DLG1: variants seen among roughly 807,000 people sequenced by gnomAD.
The protein encoded by DLG1 is discs large MAGUK scaffold protein 1.
In DLG1, 42 loss-of-function variants were observed where a neutral mutation model predicts 123.4. The ratio of observed to expected loss-of-function variants is 0.34; its 90% CI spans 0.27 to 0.44. DLG1 has a LOEUF of 0.44. Ranked by LOEUF, DLG1 falls within the 20% of genes least tolerant of loss-of-function variation. DLG1 has a pLI of 1.00. For synonymous variants in DLG1, 317 were observed against 356.2 expected, an observed-to-expected ratio of 0.89 and a Z score of 1.24; for missense variants, 942 against 1,082.6, an observed-to-expected ratio of 0.87 and a Z score of 1.82.
intron 5 of DLG1, among the ~76,000 whole-genome samples, chr3:197,163,959 A>C (rs1411036098): frequency 1.3e-5 from 2 of 152,268 alleles, no homozygotes; most frequent in East Asian, 3.9e-4. Flanking sequence ...TAAGTTATAC[A>C]TATTTTACCA....
intron 14 of DLG1, among the ~76,000 whole-genome samples, chr3:197,102,128 GAATT>G (rs1353071682): frequency 2.0e-5 from 3 of 152,092 alleles, no homozygotes; most frequent in African/African-American, 7.2e-5. Flanking sequence ...CTTGCCTTTG[GAATT>G]AATAAAACTG....
chr3:197,085,436 C>A (rs1046239796), intron 16 of DLG1, 144 bp downstream of exon 16: 2 of 774,092 alleles, frequency 2.6e-6, no homozygotes, highest in East Asian at 5.1e-5. Context: ...TGTGATCATA[C>A]GATTTTTGTC....
chr3:197,072,416 GCA>G (rs1744519191), intron 18 of DLG1, among the ~76,000 whole-genome samples: 1 of 152,056 alleles, frequency 6.6e-6, no homozygotes, highest in African/African-American at 2.4e-5. Context: ...GCATTTAGCA[GCA>G]CTCTCTCCGT....
chr3:197,053,774 TA>T (rs35792548), intron 23 of DLG1, among the ~76,000 whole-genome samples: 7,301 of 97,224 alleles, frequency 0.075, 335 homozygotes, highest in African/African-American at 0.15. Context: ...CCCTGTCTCA[TA>T]AAAAAAAAAA....
chr3:197,268,281 A>G lies in DLG1; in HGVS notation c.318+14398T>C, dbSNP rs117188636. 1.3e-3 allele frequency among the ~76,000 whole-genome samples: 199 copies of G among 152,362 alleles called. 3 individuals carry two copies. In the East Asian group the frequency reaches 0.031, roughly 24 times the overall value. ...AATTGGGGGTGTCTTCTAGGAACAC[A>G]TAAGTCTAACCAATGTGACATACTT... On this transcript the variant is annotated intron_variant, in intron 4 of 24. Transcript: ENST00000667157.
chr3:197,156,638 G>T (rs986094113), intron 5 of DLG1, among the ~76,000 whole-genome samples: 1 of 152,030 alleles, frequency 6.6e-6, no homozygotes, highest in African/African-American at 2.4e-5. Flanking sequence ...AGTAACCAAA[G>T]GAGAGCAGGA....
In DLG1 at chr3:197,162,993, C is replaced by G. The variant is rs537582714; in HGVS notation, c.484-13197G>C. Among the ~76,000 whole-genome samples, 7 of 152,292 alleles carry G rather than the reference C, an allele frequency of 4.6e-5. No individual in the cohort carries two copies. In the East Asian group the frequency reaches 1.2e-3, roughly 25 times the overall value. ...TATCCAGAACATTTAAAGACTCTTA[C>G]AACGCAACAACACAAAGAGAAACAA... On this transcript the variant is annotated intron_variant, in intron 5 of 24. Coordinates refer to ENST00000667157, the MANE Select transcript of DLG1 (RefSeq NM_001366207.1).
chr3:197,145,055 T>TCACACA (rs34377415), intron 6 of DLG1, among the ~76,000 whole-genome samples: 2,685 of 148,696 alleles, frequency 0.018, 35 homozygotes, highest in African/African-American at 0.032. Context: ...TCTCTCTCTC[T>TCACACA]CACACACACA....
intron 12 of DLG1, among the ~76,000 whole-genome samples, chr3:197,117,028 A>G (rs1049593979): frequency 3.3e-5 from 5 of 152,220 alleles, no homozygotes; most frequent in Admixed American, 2.0e-4. Flanking sequence ...CTGAAATTCA[A>G]CAGTATTTCC....
chr3:197,051,195 G>A (rs919843104), intron 24 of DLG1, among the ~76,000 whole-genome samples: 23 of 152,222 alleles, frequency 1.5e-4, no homozygotes, highest in African/African-American at 2.2e-4. Flanking sequence ...CCAACACGGC[G>A]AAACCCCATC....
At chr3:197,232,403 T>C (rs1477129876) in intron 4 of DLG1, among the ~76,000 whole-genome samples, 2 of 149,392 alleles carry the variant, frequency 1.3e-5, no homozygotes, top group African/African-American at 4.9e-5. Flanking sequence ...GCCATGCTAA[T>C]GATACTGCTC....
At chr3:197,202,792 T>G (rs191026107) in intron 4 of DLG1, among the ~76,000 whole-genome samples, 3 of 152,334 alleles carry the variant, frequency 2.0e-5, no homozygotes, top group Non-Finnish European at 4.4e-5. Flanking sequence ...GTGAGCATTA[T>G]TTCTGAAGAA....
intron 24 of DLG1, among the ~76,000 whole-genome samples, chr3:197,048,443 C>T (rs1435467085): frequency 6.6e-6 from 1 of 152,030 alleles, no homozygotes; most frequent in East Asian, 1.9e-4. Flanking sequence ...TGTACTCCAG[C>T]CTGGGTGACA....
chr3:197,287,658 CA>C (rs1772522683), intron 3 of DLG1, among the ~76,000 whole-genome samples: 1 of 152,114 alleles, frequency 6.6e-6, no homozygotes, highest in Non-Finnish European at 1.5e-5. Context: ...ACAAATTAAA[CA>C]GATAATTTAC....
chr3:197,156,934 A>G (rs1796655913), intron 5 of DLG1, among the ~76,000 whole-genome samples: 1 of 152,230 alleles, frequency 6.6e-6, no homozygotes, highest in Non-Finnish European at 1.5e-5. Context: ...GAACAAACAC[A>G]ATATACCAAA....
At chr3:197,179,870 T>C (rs1809200175) in intron 5 of DLG1, among the ~76,000 whole-genome samples, 1 of 152,176 alleles carries the variant, frequency 6.6e-6, no homozygotes, top group Non-Finnish European at 1.5e-5. Flanking sequence ...CACAGGCACT[T>C]GAACAATGTT....
At chr3:197,191,025 A>AAACAAAAC (rs1719177424) in intron 5 of DLG1, among the ~76,000 whole-genome samples, 1 of 152,124 alleles carries the variant, frequency 6.6e-6, no homozygotes. Context: ...AAACAAAACA[A>AAACAAAAC]AACAACAACA....
At chr3:197,225,639 T>C (rs553402855) in intron 4 of DLG1, among the ~76,000 whole-genome samples, 8 of 152,276 alleles carry the variant, frequency 5.3e-5, no homozygotes, top group Non-Finnish European at 1.0e-4. Flanking sequence ...TAATGGAAAA[T>C]GACATTTTAC....
intron 5 of DLG1, among the ~76,000 whole-genome samples, chr3:197,185,673 C>T (rs771776836): frequency 3.9e-5 from 6 of 152,146 alleles, no homozygotes; most frequent in African/African-American, 7.2e-5. Context: ...ATAAATGCTA[C>T]GGTAATTGGT....
Sources: gnomAD v4.1 joint callset for allele counts (sites outside exome capture counted in the v4.1 genomes callset) on GRCh38, gnomAD v4.1.1 for gene constraint, MANE v1.5 for transcripts, NCBI Gene and HGNC (gene_info 2026-07-23, HGNC 2026-07-21) for gene names.